Variants in ALK observed in about 807,000 individuals in gnomAD.
ALK encodes ALK tyrosine kinase receptor.
In ALK, 74 loss-of-function variants were observed where a neutral mutation model predicts 163.1. The observed-to-expected ratio is 0.45, with a 90% CI of 0.38 to 0.55. The LOEUF is 0.55. Ranked by LOEUF, ALK falls within the 20% of genes least tolerant of loss-of-function variation. The probability of loss-of-function intolerance (pLI) is 0.00; values close to 1 mark genes in which losing one functional copy is unlikely to be tolerated. For missense variants in ALK, 2,063 were observed against 2,105.3 expected, an observed-to-expected ratio of 0.98 and a Z score of 0.39; for synonymous variants, 960 against 843.2, an observed-to-expected ratio of 1.14 and a Z score of -2.40.
chr2:29,243,589 G>T (rs796454629), intron 12 of ALK, among the ~76,000 whole-genome samples: 2 of 152,316 alleles, frequency 1.3e-5, no homozygotes, highest in African/African-American at 4.8e-5. Flanking sequence ...CCAGGGCATG[G>T]CCAAGGGGGC....
chr2:29,900,792 C>T (rs770278317), intron 1 of ALK, among the ~76,000 whole-genome samples: 10 of 152,044 alleles, frequency 6.6e-5, no homozygotes, highest in Non-Finnish European at 1.3e-4. Flanking sequence ...AAGAGAGAGA[C>T]ATGTAAGAAG....
At chr2:29,426,798 G>T (rs1210232983) in intron 4 of ALK, among the ~76,000 whole-genome samples, 1 of 152,054 alleles carries the variant, frequency 6.6e-6, no homozygotes, top group Non-Finnish European at 1.5e-5. Context: ...CCAGCACTTT[G>T]GGAGGCCGAG....
rs1014585202 is a variant in ALK, at chr2:29,250,966, A to G, written c.2204+139T>C. The G allele has an allele frequency of 5.2e-6, 4 of 774,136 alleles. No individual in the cohort carries two copies. The African/African-American group carries it at 7.0e-5, about 14-fold the overall frequency. The allele number at this position is 774,136 out of a possible 1,614,324, so 48.0% of individuals were successfully genotyped here. ...CCAAATCTCCCCATCTCCAACCTTT[A>G]TACCCCCTATGGGCCTGAGTCTGTT... is the stretch of plus-strand genomic sequence containing the variant. On this transcript the variant is annotated intron_variant, in intron 12 of 28. Transcript: ENST00000389048.
At chr2:29,808,898 A>G (rs1450326377) in intron 1 of ALK, among the ~76,000 whole-genome samples, 2 of 152,214 alleles carry the variant, frequency 1.3e-5, no homozygotes, top group Non-Finnish European at 2.9e-5. Context: ...TAAAGGGACC[A>G]TTATTCATCT....
intron 1 of ALK, among the ~76,000 whole-genome samples, chr2:29,719,317 A>G (rs1679359960): frequency 6.6e-6 from 1 of 152,248 alleles, no homozygotes; most frequent in African/African-American, 2.4e-5. Flanking sequence ...TGTGCCAGGT[A>G]CATCTTTCTG....
Position 29,392,517 on chromosome 2 carries a change from T to C in ALK, c.1155-8658A>G, listed in dbSNP as rs150140234. Among the ~76,000 whole-genome samples the C allele has an allele frequency of 9.8e-4, 149 of 152,332 alleles. 1 individual carries two copies. The highest frequency in any genetic ancestry group is 3.4e-3 in the Middle Eastern group (1 of 294). On this transcript the variant is annotated intron_variant, in intron 4 of 28. Coordinates refer to ENST00000389048, the MANE Select transcript of ALK (RefSeq NM_004304.5). ...CTTTCATTGTTGCCTCAGGCTACCT[T>C]ATTCCTTTTCTACTCGACCTCTGCA...
chr2:29,845,866 C>T (rs1665828973), intron 1 of ALK, among the ~76,000 whole-genome samples: 1 of 152,216 alleles, frequency 6.6e-6, no homozygotes, highest in African/African-American at 2.4e-5. Flanking sequence ...AACTGTGACT[C>T]TCCACAGCAC....
chr2:29,404,281 G>A (rs375912388), intron 4 of ALK, among the ~76,000 whole-genome samples: 246 of 145,184 alleles, frequency 1.7e-3, no homozygotes, highest in African/African-American at 5.3e-3. Context: ...TCCAGCCTGC[G>A]TGACCCACGG....
chr2:29,763,016 G>A (rs544499477), intron 1 of ALK, among the ~76,000 whole-genome samples: 1 of 151,634 alleles, frequency 6.6e-6, no homozygotes, highest in East Asian at 1.9e-4. Flanking sequence ...GAACCAGGGA[G>A]GCGGAGGTTG....
chr2:29,614,486 C>T (rs1218425642), intron 3 of ALK, among the ~76,000 whole-genome samples: 1 of 152,196 alleles, frequency 6.6e-6, no homozygotes, highest in East Asian at 1.9e-4. Context: ...TCTAAGATTC[C>T]CCTCTCTGTA....
At position 29,246,648 on chromosome 2, in the gene ALK, G is replaced by C. The variant is rs774832900; in HGVS notation, c.2204+4457C>G. On this transcript the variant is annotated intron_variant, in intron 12 of 28. Transcript: ENST00000389048. This position sits in a 1 kb window ranked among gnomAD's most constrained non-coding sequence, Gnocchi z 4.3. ...CAGTCCATGCCAGAGCGTGGATGTA[G>C]TCCCAGCGTTGCACCCGACCCCACA... Among the ~76,000 whole-genome samples, 4 of 152,116 alleles carry C rather than the reference G, an allele frequency of 2.6e-5. No homozygotes were observed. The highest frequency in any genetic ancestry group is 5.9e-5 in the Non-Finnish European group (4 of 68,016).
intron 1 of ALK, among the ~76,000 whole-genome samples, chr2:29,889,466 T>C (rs62129806): frequency 0.27 from 40,720 of 151,760 alleles, 5,808 homozygotes; most frequent in Non-Finnish European, 0.32. Context: ...TCCCACAGGA[T>C]CTATTTTCTT....
chr2:29,428,808 A>G (rs1370463297), intron 4 of ALK, among the ~76,000 whole-genome samples: 3 of 152,050 alleles, frequency 2.0e-5, no homozygotes, highest in African/African-American at 4.8e-5. Flanking sequence ...TTATTACAGG[A>G]AAAGAAATCT....
intron 5 of ALK, among the ~76,000 whole-genome samples, chr2:29,355,457 AAC>A (rs1027871522): frequency 6.6e-6 from 1 of 151,984 alleles, no homozygotes; most frequent in African/African-American, 2.4e-5. Context: ...GCTCCCTGCT[AAC>A]ACACACACCA....
At chr2:29,402,997 G>A (rs903978105) in intron 4 of ALK, among the ~76,000 whole-genome samples, 3 of 152,086 alleles carry the variant, frequency 2.0e-5, no homozygotes, top group African/African-American at 7.2e-5. Flanking sequence ...TGAGTGTGGG[G>A]GCATGGTGCT....
rs1451931405 is a variant in ALK, at chr2:29,227,011, T to C, written c.2978A>G (p.Asp993Gly). Reference sequence around the variant, plus strand: ...GCTTTCAGGGTCCATGTGACATTCGTCTACCTCACAGTGACTGCAGTTTAG... The same window carrying C: ...GCTTTCAGGGTCCATGTGACATTCGCCTACCTCACAGTGACTGCAGTTTAG... Reference protein sequence around the residue: ...HYLNCSHCEVDECHMDPESHK... With the variant: ...HYLNCSHCEVGECHMDPESHK... The change falls in exon 18 of 29, where the codon GAC becomes GGC. Residue 993 changes from aspartate to glycine, a missense_variant. By Grantham distance (94) the Asp-to-Gly change is moderately conservative. Transcript: ENST00000389048. This position sits in a 1 kb window ranked among gnomAD's most constrained non-coding sequence, Gnocchi z 4.4. The C allele has an allele frequency of 8.1e-6, 13 of 1,614,204 alleles. No individual in the cohort carries two copies. The highest frequency in any genetic ancestry group is 9.3e-6 in the Non-Finnish European group (11 of 1,180,042).
At chr2:29,536,773 A>G (rs1039144650) in intron 3 of ALK, among the ~76,000 whole-genome samples, 1 of 152,216 alleles carries the variant, frequency 6.6e-6, no homozygotes, top group East Asian at 1.9e-4. Flanking sequence ...AGAAATATGG[A>G]CAGTGAAGAC....
chr2:29,722,228 G>A (rs1679441910), intron 1 of ALK, among the ~76,000 whole-genome samples: 1 of 152,202 alleles, frequency 6.6e-6, no homozygotes, highest in African/African-American at 2.4e-5. Context: ...AACTGTCATG[G>A]CTGAGTATTA....
intron 3 of ALK, among the ~76,000 whole-genome samples, chr2:29,620,125 TG>T (rs1164879250): frequency 6.6e-6 from 1 of 152,214 alleles, no homozygotes; most frequent in African/African-American, 2.4e-5. Context: ...GGAAAAACTT[TG>T]TATGAGTTTG....
Sources: allele counts gnomAD v4.1 joint callset (sites outside exome capture counted in the v4.1 genomes callset), GRCh38; gene constraint gnomAD v4.1.1; non-coding constraint Gnocchi (gnomAD v3.1); transcripts MANE v1.5; gene names NCBI Gene and HGNC (gene_info 2026-07-23, HGNC 2026-07-21).